The following RNF13 variants were observed in gnomAD, a reference collection of about 807,000 sequenced individuals.
RNF13 encodes ring finger protein 13.
Under a neutral mutation model 37.7 loss-of-function variants are expected in RNF13, and 19 were observed. The ratio of observed to expected loss-of-function variants is 0.50; its 90% confidence interval spans 0.35 to 0.74. The LOEUF (loss-of-function observed/expected upper bound fraction) is 0.74, where lower values mean the gene tolerates loss of function less well. Ranked by LOEUF, RNF13 falls within the 30% of genes least tolerant of loss-of-function variation. RNF13 has a pLI of 0.01. For missense variants in RNF13, 375 were observed against 453.0 expected (o/e 0.83, Z 1.56); for synonymous variants, 144 against 157.8 (o/e 0.91, Z 0.65).
At chr3:149,893,080 T>C (rs1332814607) in intron 4 of RNF13, among the ~76,000 whole-genome samples, 1 of 152,130 alleles carries the variant, frequency 6.6e-6, no homozygotes, top group Non-Finnish European at 1.5e-5. Context: ...AGTACTGAAA[T>C]TTCCTTAAGG....
intron 1 of RNF13, among the ~76,000 whole-genome samples, chr3:149,815,233 T>G (rs1719313276): frequency 6.6e-6 from 1 of 152,188 alleles, no homozygotes; most frequent in Non-Finnish European, 1.5e-5. Context: ...CCTGAGGGTA[T>G]GACTAAAGGG....
At chr3:149,847,350 A>G (rs1265391945) in intron 2 of RNF13, among the ~76,000 whole-genome samples, 1 of 152,100 alleles carries the variant, frequency 6.6e-6, no homozygotes. Context: ...TCTGGGTGCA[A>G]CTGATTTGCT....
intron 8 of RNF13, among the ~76,000 whole-genome samples, chr3:149,936,284 T>G (rs1312981777): frequency 6.6e-6 from 1 of 152,142 alleles, no homozygotes; most frequent in Non-Finnish European, 1.5e-5. Context: ...TCTATAGATC[T>G]GGAAAGTTTT....
In RNF13 at chr3:149,886,026, A is replaced by G. The variant is rs527314795; in HGVS notation, c.322-9447A>G. On this transcript the variant is annotated intron_variant, in intron 4 of 9. Transcript: ENST00000392894. ...GTGTATGTTCTTGACATTATTGTCA[A>G]AAATGAGTTCACTGTAGGTGTGTGG... Among the ~76,000 whole-genome samples the G allele has an allele frequency of 1.1e-4, 16 of 152,360 alleles. No individual in the cohort carries two copies. In the South Asian group the frequency reaches 3.3e-3, roughly 32 times the overall value.
At chr3:149,917,136 C>G (rs1193829117) in intron 7 of RNF13, among the ~76,000 whole-genome samples, 1 of 152,116 alleles carries the variant, frequency 6.6e-6, no homozygotes, top group Non-Finnish European at 1.5e-5. Context: ...GATAAAGTGT[C>G]TTATCTGACA....
intron 4 of RNF13, among the ~76,000 whole-genome samples, chr3:149,889,652 A>C (rs1396126673): frequency 7.0e-6 from 1 of 142,608 alleles, no homozygotes; most frequent in African/African-American, 2.6e-5. Context: ...AAAATCTGAC[A>C]ATTTTTTTTT....
chr3:149,939,413 C>T (rs1720033052), intron 8 of RNF13: 1 of 526,958 alleles, frequency 1.9e-6, no homozygotes, highest in African/African-American at 1.9e-5. Context: ...ACATACTCCT[C>T]TTCTTCATCT....
Position 149,918,854 on chromosome 3 carries a change from T to C in RNF13, c.607-2280T>C, listed in dbSNP as rs189354446. On this transcript the variant is annotated intron_variant, in intron 7 of 9. Coordinates refer to ENST00000392894, the MANE Select transcript of RNF13 (RefSeq NM_183381.3). ...CTATCCCTTTATTTTTTACTTTTAT[T>C]TTTGTCCTAATGTATCATTCAGTTT... Among the ~76,000 whole-genome samples the C allele has an allele frequency of 1.4e-4, 21 of 152,162 alleles. No individual in the cohort carries two copies. In the East Asian group the frequency reaches 4.1e-3, roughly 29 times the overall value.
At chr3:149,920,471 A>T (rs544166673) in intron 7 of RNF13, among the ~76,000 whole-genome samples, 1 of 152,080 alleles carries the variant, frequency 6.6e-6, no homozygotes, top group African/African-American at 2.4e-5. Context: ...GGCCTCAAAC[A>T]GTCCTCCCAC....
rs531702698 is a variant in RNF13, at chr3:149,813,348, T to C, written c.-22T>C. ...ACTGTTTGTGTTGCGGGGGCCGGAC[T>C]TCAAGGTAAGACCCTGTCCGGCTTC... On this transcript the variant is annotated 5_prime_UTR_variant, in exon 1 of 10. Transcript: ENST00000392894. The C allele has an allele frequency of 3.9e-5, 6 of 152,354 alleles. No homozygotes were observed. The highest frequency in any genetic ancestry group is 1.4e-4 in the African/African-American group (6 of 41,572). 9.4% of individuals were successfully genotyped at this position (152,354 alleles called of 1,614,324 possible).
At chr3:149,959,547 C>A (rs1374922683) in intron 8 of RNF13, among the ~76,000 whole-genome samples, 1 of 152,160 alleles carries the variant, frequency 6.6e-6, no homozygotes, top group Non-Finnish European at 1.5e-5. Flanking sequence ...AATCTTTTTA[C>A]TGATAAAGAA....
chr3:149,884,810 T>C (rs1447048848), intron 4 of RNF13, among the ~76,000 whole-genome samples: 1 of 152,102 alleles, frequency 6.6e-6, no homozygotes, highest in Admixed American at 6.6e-5. Flanking sequence ...TTAACTATAG[T>C]AACCCTGTTG....
rs185100369 is a variant in RNF13 at position 149,867,266 on chromosome 3, T to C, written c.196-4763T>C. Among the ~76,000 whole-genome samples the C allele has an allele frequency of 2.5e-4, 38 of 149,040 alleles. No individual in the cohort carries two copies. The East Asian group carries it at 7.2e-3, about 28-fold the overall frequency. ...CATATATAGTGACCTTCCTTGTCTC[T>C]TTTTTTTTTCTTTTTTTGAGACAGA... On this transcript the variant is annotated intron_variant, in intron 3 of 9. Transcript: ENST00000392894.
intron 1 of RNF13, among the ~76,000 whole-genome samples, chr3:149,844,659 G>A (rs189889653): frequency 6.6e-6 from 1 of 152,162 alleles, no homozygotes; most frequent in Admixed American, 6.5e-5. Context: ...CCTTTCTAGG[G>A]ATAGCAATCT....
At chr3:149,924,204 A>G (rs1718424783) in intron 8 of RNF13, among the ~76,000 whole-genome samples, 4 of 152,184 alleles carry the variant, frequency 2.6e-5, no homozygotes, top group African/African-American at 7.2e-5. Context: ...TTAAATAGCA[A>G]TAAGGATGGT....
chr3:149,891,807 A>G (rs531319124), intron 4 of RNF13, among the ~76,000 whole-genome samples: 1 of 152,346 alleles, frequency 6.6e-6, no homozygotes, highest in Admixed American at 6.5e-5. Context: ...TTGAGGTTGC[A>G]TTTTATGAAT....
At chr3:149,940,037 A>G (rs917086174) in intron 8 of RNF13, among the ~76,000 whole-genome samples, 1 of 152,102 alleles carries the variant, frequency 6.6e-6, no homozygotes, top group Non-Finnish European at 1.5e-5. Flanking sequence ...AGTTGGGTTA[A>G]TATCTATTAT....
chr3:149,949,645 C>A (rs985125406), intron 8 of RNF13, among the ~76,000 whole-genome samples: 1 of 151,772 alleles, frequency 6.6e-6, no homozygotes, highest in Non-Finnish European at 1.5e-5. Context: ...CTTTCTTCTC[C>A]TTCTGAGGTT....
chr3:149,939,871 C>T lies in RNF13; in HGVS notation c.700+18644C>T, dbSNP rs117848899. On this transcript the variant is annotated intron_variant, in intron 8 of 9. Transcript: ENST00000392894. ...CGACTGCTGCTCCAGAGAACAGCCG[C>T]GCAGGATGGAATCACACCAGGGTAT... 2,660 of 435,310 alleles carry T rather than the reference C, an allele frequency of 6.1e-3. 45 individuals carry two copies. The highest frequency in any genetic ancestry group is 0.06 in the East Asian group (1,090 of 18,174). 27.0% of individuals were successfully genotyped at this position (435,310 alleles called of 1,614,324 possible).
Sources: allele counts gnomAD v4.1 joint callset (sites outside exome capture counted in the v4.1 genomes callset), GRCh38; gene constraint gnomAD v4.1.1; transcripts MANE v1.5; gene names NCBI Gene and HGNC (gene_info 2026-07-23, HGNC 2026-07-21).